The following FTO variants were observed in gnomAD, a reference collection of about 807,000 sequenced individuals.
FTO encodes alpha-ketoglutarate-dependent dioxygenase FTO.
Under a neutral mutation model 63.9 loss-of-function variants are expected in FTO, and 47 were observed. The observed-to-expected ratio is 0.74, with a 90% CI of 0.58 to 0.94. FTO has a LOEUF of 0.94. FTO is among the 40% of genes least tolerant of loss of function. The probability of loss-of-function intolerance (pLI) is 0.00; values close to 1 mark genes in which losing one functional copy is unlikely to be tolerated. For synonymous variants in FTO, 207 were observed against 224.4 expected, an observed-to-expected ratio of 0.92 and a Z score of 0.69; for missense variants, 562 against 618.1, an observed-to-expected ratio of 0.91 and a Z score of 0.96.
intron 1 of FTO, among the ~76,000 whole-genome samples, chr16:53,795,635 A>C (rs2078044382): frequency 6.6e-6 from 1 of 152,226 alleles, no homozygotes; most frequent in South Asian, 2.1e-4. Flanking sequence ...AGAGCCAAGA[A>C]TTGAGAATTT....
chr16:53,881,484 T>C lies in FTO; in HGVS notation c.1119+1497T>C, dbSNP rs529073682. Among the ~76,000 whole-genome samples, 3 of 152,272 alleles carry C rather than the reference T, an allele frequency of 2.0e-5. No homozygotes were observed. The South Asian group carries it at 6.2e-4, about 32-fold the overall frequency. On this transcript the variant is annotated intron_variant, in intron 6 of 8. Transcript: ENST00000471389. ...GAGAGTCTGTAACACAGGACAGTCA[T>C]TGCTTACTCACAAGACACGCAGAAG...
intron 1 of FTO, among the ~76,000 whole-genome samples, chr16:53,766,798 G>T (rs150463042): frequency 1.2e-3 from 189 of 152,142 alleles, no homozygotes; most frequent in African/African-American, 4.4e-3. Context: ...GAAGTTTTAG[G>T]CCTCAGCTTC....
chr16:54,090,263 C>A (rs544049337), intron 8 of FTO, among the ~76,000 whole-genome samples: 6 of 152,066 alleles, frequency 3.9e-5, no homozygotes, highest in Non-Finnish European at 4.4e-5. Context: ...TATTATGCTA[C>A]GTGAAATAAG....
chr16:53,802,040 A>G (rs1188040911), intron 1 of FTO, among the ~76,000 whole-genome samples: 1 of 152,190 alleles, frequency 6.6e-6, no homozygotes, highest in African/African-American at 2.4e-5. Context: ...CTGGGATTAC[A>G]GGTGTGAGCC....
At chr16:53,841,426 T>C (rs1031275964) in intron 3 of FTO, among the ~76,000 whole-genome samples, 3 of 152,048 alleles carry the variant, frequency 2.0e-5, no homozygotes, top group Non-Finnish European at 2.9e-5. Flanking sequence ...GAATGGCAGG[T>C]ATGAAAAAAG....
intron 8 of FTO, among the ~76,000 whole-genome samples, chr16:54,103,783 GT>G (rs2086688661): frequency 1.3e-5 from 2 of 152,170 alleles, no homozygotes; most frequent in African/African-American, 4.8e-5. Context: ...TCATTGACTT[GT>G]TCTTTTCAGA....
chr16:54,032,607 T>G (rs1156533061), intron 8 of FTO, among the ~76,000 whole-genome samples: 1 of 152,238 alleles, frequency 6.6e-6, no homozygotes, highest in African/African-American at 2.4e-5. Context: ...TTTGATATTT[T>G]GTTATGGGTT....
intron 7 of FTO, among the ~76,000 whole-genome samples, chr16:53,894,617 G>A (rs775032472): frequency 7.7e-6 from 1 of 130,258 alleles, no homozygotes; most frequent in South Asian, 2.7e-4. Context: ...GCATTAATGG[G>A]AAAGTCACCA....
At chr16:53,748,604 A>T (rs2076704251) in intron 1 of FTO, among the ~76,000 whole-genome samples, 1 of 151,800 alleles carries the variant, frequency 6.6e-6, no homozygotes, top group African/African-American at 2.4e-5. Flanking sequence ...ACAGGTGTGC[A>T]CCACCATGCC....
chr16:54,015,568 A>G (rs1276691010), intron 8 of FTO, among the ~76,000 whole-genome samples: 1 of 152,238 alleles, frequency 6.6e-6, no homozygotes, highest in Non-Finnish European at 1.5e-5. Flanking sequence ...AGTCGTTTTA[A>G]AAGGTAGCTT....
At chr16:53,953,130 G>A (rs1567468914) in intron 8 of FTO, among the ~76,000 whole-genome samples, 1 of 152,212 alleles carries the variant, frequency 6.6e-6, no homozygotes, top group Non-Finnish European at 1.5e-5. Context: ...AACAAAATGG[G>A]TTGAAAGAAT....
chr16:53,751,205 C>T (rs556341992), intron 1 of FTO, among the ~76,000 whole-genome samples: 2 of 151,994 alleles, frequency 1.3e-5, no homozygotes, highest in Admixed American at 1.3e-4. Context: ...CTCAGGAGTT[C>T]GAGACCAGCC....
Position 54,116,184 on chromosome 16 carries a change from T to C in FTO, c.*4269T>C, listed in dbSNP as rs770055707. ...CCCACATTCAGTAGACGGTTTTTTG[T>C]ATGCTTCGAGGGAAGGAAGGTATTT... On this transcript the variant is annotated 3_prime_UTR_variant, in exon 9 of 9. Transcript: ENST00000471389. The C allele has an allele frequency of 6.6e-6, 1 of 152,166 alleles. No individual in the cohort carries two copies. The highest frequency in any genetic ancestry group is 2.4e-5 in the African/African-American group (1 of 41,420). 9.4% of individuals were successfully genotyped at this position (152,166 alleles called of 1,614,324 possible).
intron 8 of FTO, among the ~76,000 whole-genome samples, chr16:53,988,806 C>T (rs1165657584): frequency 6.6e-6 from 1 of 152,108 alleles, no homozygotes; most frequent in Non-Finnish European, 1.5e-5. Flanking sequence ...CCCATTATGC[C>T]TCATCATACC....
At chr16:53,903,597 T>G (rs1365868593) in intron 7 of FTO, among the ~76,000 whole-genome samples, 1 of 152,214 alleles carries the variant, frequency 6.6e-6, no homozygotes, top group East Asian at 1.9e-4. Context: ...ATGTGTTTTT[T>G]CCCCACATGG....
intron 8 of FTO, among the ~76,000 whole-genome samples, chr16:53,989,452 A>G (rs2083750870): frequency 6.6e-6 from 1 of 152,174 alleles, no homozygotes; most frequent in African/African-American, 2.4e-5. Context: ...TCTCGAACCC[A>G]GTAGGATAGT....
At chr16:54,001,816 AG>A (rs1420995753) in intron 8 of FTO, among the ~76,000 whole-genome samples, 1 of 152,196 alleles carries the variant, frequency 6.6e-6, no homozygotes, top group Non-Finnish European at 1.5e-5. Flanking sequence ...GCTCCTGAAC[AG>A]CCTCACAAGA....
Position 54,114,096 on chromosome 16 carries a change from G to C in FTO, c.*2181G>C, listed in dbSNP as rs539534758. ...TGGGATTACAGGCGTGAGCCACCGC[G>C]CCAAGCCAAGGTCTGCATTTTTCTT... On this transcript the variant is annotated 3_prime_UTR_variant, in exon 9 of 9. Coordinates refer to ENST00000471389, the MANE Select transcript of FTO (RefSeq NM_001080432.3). 6.6e-5 allele frequency: 10 copies of C among 152,158 alleles called. No individual in the cohort carries two copies. Among genetic ancestry groups the C allele is most frequent in the African/African-American group, 2.2e-4 (9 of 41,434 alleles). The allele number at this position is 152,158 out of a possible 1,614,324, so 9.4% of individuals were successfully genotyped here.
intron 1 of FTO, among the ~76,000 whole-genome samples, chr16:53,774,442 G>C (rs1645467153): frequency 6.6e-6 from 1 of 152,112 alleles, no homozygotes; most frequent in Non-Finnish European, 1.5e-5. Flanking sequence ...GATTAATGTA[G>C]TCTGAGGGCT....
Sources: gnomAD v4.1 joint callset for allele counts (sites outside exome capture counted in the v4.1 genomes callset) on GRCh38, gnomAD v4.1.1 for gene constraint, MANE v1.5 for transcripts, NCBI Gene and HGNC (gene_info 2026-07-23, HGNC 2026-07-21) for gene names.